Variants in KRTAP5-5 observed in about 807,000 individuals in gnomAD.
KRTAP5-5 encodes the protein keratin associated protein 5-5, also known as keratin-associated protein 5-5.
In KRTAP5-5, 1 loss-of-function variant was observed where a neutral mutation model predicts 2.8. The ratio of observed to expected loss-of-function variants is 0.35; its 90% CI spans 0.13 to 1.67. The LOEUF (loss-of-function observed/expected upper bound fraction) is 1.67. Ranked by LOEUF, KRTAP5-5 falls within the 40% of genes most tolerant of loss-of-function variation. The probability of loss-of-function intolerance (pLI) is 0.35; values close to 1 mark genes in which losing one functional copy is unlikely to be tolerated. For synonymous variants in KRTAP5-5, 83 were observed against 110.6 expected (o/e 0.75, Z 1.57); for missense variants, 134 against 270.9 (o/e 0.49, Z 3.55).
chr11:1,630,157 A>G, exon 1 of KRTAP5-5: 1 of 1,525,746 alleles, frequency 6.6e-7, no homozygotes, highest in Non-Finnish European at 8.8e-7. Context: ...GGGGTGTCCA[A>G]GGGGGCCTGT....
chr11:1,630,561 G>T (rs370878146), exon 1 of KRTAP5-5: 7 of 1,610,822 alleles, frequency 4.3e-6, no homozygotes, highest in Non-Finnish European at 5.1e-6. Context: ...CTGAGGCTCT[G>T]ACTGCAGACT....
chr11:1,630,004 G>A (rs1435715516), exon 1 of KRTAP5-5: 1 of 1,523,464 alleles, frequency 6.6e-7, no homozygotes, highest in African/African-American at 1.6e-5. Context: ...TGTGCGGGCT[G>A]TGGGGGATGT....
At position 1,630,199 on chromosome 11, in the gene KRTAP5-5, GCTCCTGTGGGGGGTCC is replaced by G; in HGVS notation, c.360_375del (p.Ser121ArgfsTer125). The G allele has an allele frequency of 1.9e-6, 2 of 1,065,848 alleles. No individual in the cohort carries two copies. Among genetic ancestry groups the G allele is most frequent in the Non-Finnish European group, 2.6e-6 (2 of 760,514 alleles). 66.0% of individuals were successfully genotyped at this position (1,065,848 alleles called of 1,614,324 possible). ...TGTGGGGGGTCCAAGGGGGGCTGTG[GCTCCTGTGGGGGGTCC>G]AAGGGGGGCTGTGGCTCCTGTGGGG... is the stretch of plus-strand genomic sequence containing the variant. On this transcript the variant is annotated frameshift_variant, in exon 1 of 1. Coordinates refer to ENST00000399676, the Ensembl canonical transcript of KRTAP5-5. LOFTEE classifies it low-confidence loss of function (END_TRUNC).
chr11:1,629,897 C>A lies in KRTAP5-5; in HGVS notation c.57C>A (p.Ser19=), dbSNP rs1337794192. ...GCTCCGGCTGTGGAGGCCGTGGCTCCGGCTGTGGGGGCTGTGGCTCCGGCT... is the reference window on the plus strand; with the variant it reads ...GCTCCGGCTGTGGAGGCCGTGGCTCAGGCTGTGGGGGCTGTGGCTCCGGCT... Residue 19 remains serine, a synonymous_variant, in exon 1 of 1, where the codon TCC becomes TCA. Transcript: ENST00000399676. The A allele has an allele frequency of 1.1e-5, 18 of 1,597,128 alleles. No homozygotes were observed. The East Asian group carries it at 4.0e-4, about 36-fold the overall frequency.
At chr11:1,629,938 CTGG>C in exon 1 of KRTAP5-5, 1 of 1,341,028 alleles carries the variant, frequency 7.5e-7, no homozygotes, top group African/African-American at 1.5e-5. Context: ...GGCTGTGGCT[CTGG>C]CTGTGGGGGC....
exon 1 of KRTAP5-5, chr11:1,630,005 T>C: frequency 6.3e-7 from 1 of 1,588,902 alleles, no homozygotes; most frequent in African/African-American, 1.4e-5. Context: ...GTGCGGGCTG[T>C]GGGGGATGTG....
chr11:1,630,125 C>T, exon 1 of KRTAP5-5: 2 of 1,610,026 alleles, frequency 1.2e-6, no homozygotes, highest in East Asian at 2.2e-5. Flanking sequence ...GCGGGGGCTC[C>T]AAGAGAGGCT....
rs746993398 is a variant in KRTAP5-5 at position 1,630,506 on chromosome 11, C to T, written c.666C>T (p.Cys222=). 6.8e-6 allele frequency: 11 copies of T among 1,614,034 alleles called. No individual in the cohort carries two copies. In the South Asian group the frequency reaches 1.2e-4, roughly 18 times the overall value. The stretch of plus-strand genomic sequence containing the variant: ...AATCCAGCTGCTACAAGCCCTGCTG[C>T]TGCCAGTCCAGCTGCTGTGTCCCCG... The change falls in exon 1 of 1, where the codon TGC becomes TGT. Residue 222 remains cysteine, a synonymous_variant. Transcript: ENST00000399676.
chr11:1,630,888 C>A (rs1371155371), downstream of KRTAP5-5, among the ~76,000 whole-genome samples: 1 of 152,176 alleles, frequency 6.6e-6, no homozygotes, highest in Non-Finnish European at 1.5e-5. Flanking sequence ...TATATCAAGA[C>A]TGAATCCTGA....
chr11:1,630,498 C>T (rs372594896), exon 1 of KRTAP5-5: 1 of 1,610,556 alleles, frequency 6.2e-7, no homozygotes, highest in South Asian at 1.1e-5. Context: ...CTGCTACAAG[C>T]CCTGCTGCTG....
chr11:1,630,745 T>C, downstream of KRTAP5-5: 1 of 756,574 alleles, frequency 1.3e-6, no homozygotes, highest in Non-Finnish European at 2.2e-6. Flanking sequence ...CTGAACTTCC[T>C]CTCCCTGCTC....
Position 1,630,315 on chromosome 11 carries a change from TG to T in KRTAP5-5, c.476del (p.Cys159SerfsTer92), listed in dbSNP as rs1292880100. 6.2e-7 allele frequency: 1 copy of T among 1,613,048 alleles called. No homozygotes were observed. The highest frequency in any genetic ancestry group is 8.5e-7 in the Non-Finnish European group (1 of 1,179,602). ...TTCTTATGGCTGCTCCCAGTCCAGC[TG>T]CTGCAAGCCCTGCTGCTGCTCCTCA... On this transcript the variant is annotated frameshift_variant, in exon 1 of 1. Coordinates refer to ENST00000399676, the Ensembl canonical transcript of KRTAP5-5. LOFTEE classifies it low-confidence loss of function (END_TRUNC).
rs756999429 is a variant in KRTAP5-5, at chr11:1,630,034, C to T, written c.194C>T (p.Pro65Leu). The change falls in exon 1 of 1, where the codon CCT becomes CTT. Residue 65 changes from proline (P) to leucine (L), a missense_variant. By Grantham distance (98) the Pro-to-Leu change is moderately conservative. Transcript: ENST00000399676. ...GGATGTGGCTCCGGCTGCTGTGTGCCTGTCTGCTGCTGCAAGCCCATGTGC... is the reference window on the plus strand; with the variant it reads ...GGATGTGGCTCCGGCTGCTGTGTGCTTGTCTGCTGCTGCAAGCCCATGTGC... 6 of 1,598,372 alleles carry T rather than the reference C, an allele frequency of 3.8e-6. No homozygotes were observed. The Admixed American group carries it at 1.0e-4, about 27-fold the overall frequency.
chr11:1,630,369 A>G (rs1467856711), exon 1 of KRTAP5-5: 1 of 1,314,578 alleles, frequency 7.6e-7, no homozygotes, highest in Non-Finnish European at 1.0e-6. Flanking sequence ...CTGCCAGTCC[A>G]GCTGCTGTAA....
At position 1,630,137 on chromosome 11, in the gene KRTAP5-5, T is replaced by A. The variant is rs372072203; in HGVS notation, c.297T>A (p.Cys99Ter). The A allele has an allele frequency of 3.1e-6, 5 of 1,607,172 alleles. No homozygotes were observed. Among genetic ancestry groups the A allele is most frequent in the Non-Finnish European group, 4.2e-6 (5 of 1,178,406 alleles). Residue 99 changes from cysteine (C) to a stop codon, truncating the protein, a stop_gained, in exon 1 of 1, where the codon TGT (cysteine) becomes TGA (stop). Transcript: ENST00000399676. LOFTEE classifies it low-confidence loss of function (END_TRUNC). ...CTTGCGGGGGCTCCAAGAGAGGCTGTGTCTCCTGTGGGGTGTCCAAGGGGG... is the reference window on the plus strand; with the variant it reads ...CTTGCGGGGGCTCCAAGAGAGGCTGAGTCTCCTGTGGGGTGTCCAAGGGGG...
downstream of KRTAP5-5, among the ~76,000 whole-genome samples, chr11:1,630,889 T>C (rs1024457776): frequency 2.2e-4 from 34 of 152,312 alleles, no homozygotes; most frequent in African/African-American, 7.9e-4. Flanking sequence ...ATATCAAGAC[T>C]GAATCCTGAC....
At chr11:1,630,006 G>C in exon 1 of KRTAP5-5, 1 of 1,600,812 alleles carries the variant, frequency 6.2e-7, no homozygotes, top group Non-Finnish European at 8.5e-7. Flanking sequence ...TGCGGGCTGT[G>C]GGGGATGTGG....
exon 1 of KRTAP5-5, chr11:1,630,677 C>A: frequency 1.5e-6 from 2 of 1,333,650 alleles, no homozygotes; most frequent in South Asian, 1.3e-5. Context: ...ATCCACTCCA[C>A]ACCAGTGCTC....
At chr11:1,630,536 C>T (rs201404581) in exon 1 of KRTAP5-5, 3 of 1,614,004 alleles carry the variant, frequency 1.9e-6, no homozygotes, top group Non-Finnish European at 2.5e-6. Context: ...TCCCCGTGTG[C>T]TGCCAGTGTA....
Sources: allele counts gnomAD v4.1 joint callset (sites outside exome capture counted in the v4.1 genomes callset), GRCh38; gene constraint gnomAD v4.1.1; transcripts MANE v1.5; gene names NCBI Gene and HGNC (gene_info 2026-07-23, HGNC 2026-07-21).